The following XKR9 variants were observed in gnomAD, a reference collection of about 807,000 sequenced individuals.
XKR9 encodes XK-related protein 9.
XKR9 carries 32 observed loss-of-function variants against 32.0 expected under a neutral mutation model. The observed-to-expected ratio is 1.00, with a 90% CI of 0.76 to 1.34. The LOEUF is 1.34. Among genes scored for constraint, XKR9 ranks in the 40% most tolerant of loss-of-function variants. The pLI is 0.00. For synonymous variants in XKR9, 168 were observed against 143.4 expected (o/e 1.17, Z -1.22); for missense variants, 546 against 429.7 (o/e 1.27, Z -2.39).
At chr8:70,832,108 A>G in the XKR9 span, among the ~76,000 whole-genome samples, 1 of 152,188 alleles carries the variant, frequency 6.6e-6, no homozygotes, top group Admixed American at 6.5e-5. Context: ...ACTGATCTAG[A>G]AAGCAGGTAT....
At chr8:70,724,678 G>T (rs532738172) in intron 4 of XKR9, among the ~76,000 whole-genome samples, 5 of 152,260 alleles carry the variant, frequency 3.3e-5, no homozygotes, top group Non-Finnish European at 5.9e-5. Flanking sequence ...AACCCACCCT[G>T]CTTCTGCTCG....
At chr8:70,820,668 A>C in the XKR9 span, among the ~76,000 whole-genome samples, 1 of 152,190 alleles carries the variant, frequency 6.6e-6, no homozygotes, top group African/African-American at 2.4e-5. Flanking sequence ...TCATGGCGGA[A>C]GGCAAAGGGA....
intron 2 of XKR9, among the ~76,000 whole-genome samples, chr8:70,771,028 A>G (rs1435927677): frequency 6.6e-6 from 1 of 152,166 alleles, no homozygotes; most frequent in African/African-American, 2.4e-5. Context: ...CTTGAAACCC[A>G]GGGCCCTGGT....
chr8:70,750,315 G>C (rs951272727), intron 2 of XKR9, among the ~76,000 whole-genome samples: 2 of 152,148 alleles, frequency 1.3e-5, no homozygotes, highest in African/African-American at 4.8e-5. Flanking sequence ...CTTTTTCTGA[G>C]CTCCTAGAGA....
the XKR9 span, among the ~76,000 whole-genome samples, chr8:70,822,438 G>A: frequency 6.6e-6 from 1 of 151,366 alleles, no homozygotes; most frequent in Non-Finnish European, 1.5e-5. Context: ...ATGTGGTCAA[G>A]CAGAAGATGG....
the XKR9 span, among the ~76,000 whole-genome samples, chr8:70,819,433 C>T: frequency 2.0e-5 from 3 of 152,196 alleles, no homozygotes; most frequent in Admixed American, 1.3e-4. Flanking sequence ...AGGGATGAGA[C>T]TGTGTTTCCA....
At chr8:70,844,973 CAAT>C in the XKR9 span, among the ~76,000 whole-genome samples, 175 of 152,314 alleles carry the variant, frequency 1.1e-3, 1 homozygote, top group African/African-American at 3.9e-3. Context: ...TCCAGAGGCA[CAAT>C]AATCAGCTCA....
At chr8:70,682,234 A>G (rs1391903079) in intron 3 of XKR9, among the ~76,000 whole-genome samples, 1 of 152,156 alleles carries the variant, frequency 6.6e-6, no homozygotes, top group African/African-American at 2.4e-5. Flanking sequence ...GAAATACAGT[A>G]AAAGTGCTGA....
At chr8:70,767,078 T>C (rs1418322105) in intron 2 of XKR9, among the ~76,000 whole-genome samples, 1 of 152,210 alleles carries the variant, frequency 6.6e-6, no homozygotes, top group East Asian at 1.9e-4. Context: ...GTTGTGTCTT[T>C]GCCAGGTTTT....
chr8:71,056,747 C>T, the XKR9 span, among the ~76,000 whole-genome samples: 1 of 151,748 alleles, frequency 6.6e-6, no homozygotes, highest in Non-Finnish European at 1.5e-5. Flanking sequence ...GTTGAATAGA[C>T]AAAATTTCCC....
chr8:71,054,807 A>C, the XKR9 span, among the ~76,000 whole-genome samples: 20 of 152,322 alleles, frequency 1.3e-4, no homozygotes, highest in Non-Finnish European at 2.6e-4. Context: ...GATTCAAAAG[A>C]TCTAAATTAA....
the XKR9 span, among the ~76,000 whole-genome samples, chr8:70,847,289 A>G: frequency 6.6e-6 from 1 of 152,014 alleles, no homozygotes; most frequent in Middle Eastern, 3.2e-3. Context: ...AATTTCTTAA[A>G]ACAAATGAAA....
At chr8:70,792,891 C>A (rs551662954), downstream of XKR9, among the ~76,000 whole-genome samples, 3 of 152,248 alleles carry the variant, frequency 2.0e-5, no homozygotes, top group South Asian at 2.1e-4. Flanking sequence ...AAGCCCTCAT[C>A]GTAGACTGAA....
At chr8:70,695,069 T>C (rs149331845) in intron 3 of XKR9, among the ~76,000 whole-genome samples, 1 of 151,698 alleles carries the variant, frequency 6.6e-6, no homozygotes, top group East Asian at 1.9e-4. Context: ...TTCACTAGGT[T>C]GGGGAGAATC....
intron 2 of XKR9, among the ~76,000 whole-genome samples, chr8:70,756,813 T>C (rs371157117): frequency 1.1e-4 from 16 of 152,278 alleles, no homozygotes; most frequent in East Asian, 7.7e-4. Context: ...ATTTTCCTTC[T>C]CTTCCAATTT....
chr8:70,979,078 A>G, the XKR9 span, among the ~76,000 whole-genome samples: 1 of 152,144 alleles, frequency 6.6e-6, no homozygotes, highest in Non-Finnish European at 1.5e-5. Flanking sequence ...CATGGTTTTC[A>G]GATCCATCAG....
the XKR9 span, among the ~76,000 whole-genome samples, chr8:70,859,261 C>G: frequency 6.6e-6 from 1 of 152,014 alleles, no homozygotes; most frequent in South Asian, 2.1e-4. Context: ...TTACCACATT[C>G]CTAATCATCA....
chr8:71,003,303 G>GA, the XKR9 span, among the ~76,000 whole-genome samples: 1 of 151,974 alleles, frequency 6.6e-6, no homozygotes, highest in Non-Finnish European at 1.5e-5. Flanking sequence ...CAAATGAGTG[G>GA]GGGGAAAAAG....
the XKR9 span, among the ~76,000 whole-genome samples, chr8:70,892,477 T>C: frequency 6.6e-6 from 1 of 152,166 alleles, no homozygotes; most frequent in Non-Finnish European, 1.5e-5. Context: ...TATTATTTTT[T>C]CACATCCAGA....
Sources: allele counts gnomAD v4.1 joint callset (sites outside exome capture counted in the v4.1 genomes callset), GRCh38; gene constraint gnomAD v4.1.1; transcripts MANE v1.5; gene names NCBI Gene and HGNC (gene_info 2026-07-23, HGNC 2026-07-21).